DALRD3: variants seen among roughly 807,000 people sequenced by gnomAD.
DALRD3 encodes DALR anticodon-binding domain-containing protein 3.
In DALRD3, 47 loss-of-function variants were observed where a neutral mutation model predicts 56.7. That is an observed-to-expected ratio of 0.83 (90% CI 0.66 to 1.06). The LOEUF is 1.06. DALRD3 is among the 50% of genes least tolerant of loss of function. The pLI is 0.00. For synonymous variants in DALRD3, 347 were observed against 308.5 expected (o/e 1.12, Z -1.31); for missense variants, 787 against 724.0 (o/e 1.09, Z -1.00).
Position 49,015,521 on chromosome 3 carries a change from T to G in DALRD3, c.*67A>C. ...AAACAGTACCAATTTATTTTGGCCG[T>G]GGGTTTTTGCTTTTTTTCCAGTTGA... On this transcript the variant is annotated 3_prime_UTR_variant, in exon 12 of 12. Transcript: ENST00000341949. 1.3e-6 allele frequency: 2 copies of G among 1,596,016 alleles called. No homozygotes were observed. Among genetic ancestry groups the G allele is most frequent in the Non-Finnish European group, 1.7e-6 (2 of 1,168,360 alleles).
chr3:49,016,017 C>T lies in DALRD3; in HGVS notation c.1399G>A (p.Asp467Asn), dbSNP rs769037729. 1.2e-5 allele frequency: 20 copies of T among 1,606,654 alleles called. No individual in the cohort carries two copies. Among genetic ancestry groups the T allele is most frequent in the Non-Finnish European group, 1.7e-5 (20 of 1,174,872 alleles). The stretch of plus-strand genomic sequence containing the variant: ...ATGTGGAGCCCCGGGGCTGTGCAGT[C>T]CAGCACTGCTGTCCGGCTCAGCAGA... ...PDLLSRTAVLDCTAPGLHIAV... is the reference protein window; with the variant it reads ...PDLLSRTAVLNCTAPGLHIAV... The change falls in exon 10 of 12, where the codon GAC (aspartate) becomes AAC (asparagine). Residue 467 changes from aspartate to asparagine, a missense_variant. By Grantham distance (23) the Asp-to-Asn change is conservative (BLOSUM62 1). Transcript: ENST00000341949.
At chr3:49,017,080 C>T in intron 5 of DALRD3, 148 bp downstream of exon 5, 3 of 1,151,128 alleles carry the variant, frequency 2.6e-6, no homozygotes, top group Non-Finnish European at 2.5e-6. Context: ...AGCCTCTGCA[C>T]CTGCTGTACA....
At chr3:49,018,780 C>A (rs1002663376), upstream of DALRD3, 2 of 985,450 alleles carry the variant, frequency 2.0e-6, no homozygotes, top group Non-Finnish European at 2.4e-6. Flanking sequence ...AATCTCGGGG[C>A]CCTCCCTGGG....
rs2093072178 is a variant in DALRD3, at chr3:49,016,414, G to A, written c.1146+15C>T. On this transcript the variant is annotated intron_variant, in intron 8 of 11. Transcript: ENST00000341949. Reference sequence around the variant, plus strand: ...CTGTGCCCCAACACTGGCCCTGTCAGGCTCCCAGGCTCACCTGACTCTGTG... The same window carrying A: ...CTGTGCCCCAACACTGGCCCTGTCAAGCTCCCAGGCTCACCTGACTCTGTG... 1 of 1,610,926 alleles carries A rather than the reference G, an allele frequency of 6.2e-7. No individual in the cohort carries two copies. The highest frequency in any genetic ancestry group is 1.7e-5 in the Admixed American group (1 of 59,706).
rs1488077017 is a variant in DALRD3, at chr3:49,018,232, AC to A, written c.251del (p.Gly84ValfsTer51). On this transcript the variant is annotated frameshift_variant, in exon 2 of 12. Transcript: ENST00000341949. LOFTEE classifies it high-confidence loss of function. ...PVLRCAPTPA[G>X]LSLQLQRSAV... ...CGGACCGCTGCAGTTGGAGAGACAG[AC>A]CCGCGGGGGTCGGCGCGCAGCGCAG... 31 of 1,438,292 alleles carry A rather than the reference AC, an allele frequency of 2.2e-5. No individual in the cohort carries two copies. Among genetic ancestry groups the A allele is most frequent in the Non-Finnish European group, 2.7e-5 (30 of 1,104,826 alleles). The allele number at this position is 1,438,292 out of a possible 1,614,324, so 89.1% of individuals were successfully genotyped here.
Position 49,015,785 on chromosome 3 carries a change from C to A in DALRD3, c.1512+19G>T, listed in dbSNP as rs757036832. ...CTATACCTCTCTGCACGTCCCACCC[C>A]ATTTTGCTGTGTGCTCACCCCCAGG... On this transcript the variant is annotated intron_variant, in intron 11 of 11. Coordinates refer to ENST00000341949, the MANE Select transcript of DALRD3 (RefSeq NM_001009996.3). 4 of 1,614,010 alleles carry A rather than the reference C, an allele frequency of 2.5e-6. No individual in the cohort carries two copies. The African/African-American group carries it at 5.3e-5, about 22-fold the overall frequency.
chr3:49,016,954 G>A, intron 5 of DALRD3, 107 bp from the exon 6 acceptor site: 1 of 1,315,706 alleles, frequency 7.6e-7, no homozygotes, highest in South Asian at 1.2e-5. Flanking sequence ...CCCTCAAATT[G>A]GAACTGCCAG....
At chr3:49,017,087 T>A (rs2093092160) in intron 5 of DALRD3, 141 bp downstream of exon 5, 2 of 1,211,502 alleles carry the variant, frequency 1.7e-6, no homozygotes, top group Non-Finnish European at 2.3e-6. Context: ...GCACCTGCTG[T>A]ACATGCCCTC....
upstream of DALRD3, chr3:49,019,047 C>G (rs1265294739): frequency 2.0e-6 from 2 of 985,000 alleles, no homozygotes; most frequent in Non-Finnish European, 2.4e-6. Flanking sequence ...AGGTTATTTG[C>G]AAGCATTTTC....
chr3:49,016,196 G>C lies in DALRD3; in HGVS notation c.1291C>G (p.Pro431Ala). 2 of 1,614,166 alleles carry C rather than the reference G, an allele frequency of 1.2e-6. No individual in the cohort carries two copies. Among genetic ancestry groups the C allele is most frequent in the Non-Finnish European group, 1.7e-6 (2 of 1,180,024 alleles). Residue 431 changes from proline (P) to alanine (A), a missense_variant, in exon 9 of 12, where the codon CCT becomes GCT. Pro to Ala is a conservative substitution (Grantham distance 27). Coordinates refer to ENST00000341949, the MANE Select transcript of DALRD3 (RefSeq NM_001009996.3). The stretch of plus-strand genomic sequence containing the variant: ...AGTGAGAAGTCCAGACTGCTCACAG[G>C]AGGAAAAGTGGGGTACAGACCTTGT... ...MEQGLYPTFP[P>A]VSSLDFSLLH...
chr3:49,016,708 G>C (rs775841510), intron 6 of DALRD3, 35 bp from the exon 7 acceptor site: 11 of 1,613,118 alleles, frequency 6.8e-6, no homozygotes, highest in Middle Eastern at 1.6e-4. Flanking sequence ...AGTGGGCAGG[G>C]TCCTGGGTAA....
chr3:49,018,058 C>T lies in DALRD3; in HGVS notation c.426G>A (p.Val142=). ...GCAGGGCTCGCGCCAGGTGATCGGC[C>T]ACGAGCACCGTACGCAGCTGGCTCA... The part of the protein sequence containing the change: ...LRLSQLRTVL[V]ADHLARALRA... Residue 142 remains valine, a synonymous_variant, in exon 2 of 12, where the codon GTG becomes GTA. Transcript: ENST00000341949. The T allele has an allele frequency of 2.0e-6, 3 of 1,491,470 alleles. No individual in the cohort carries two copies. The highest frequency in any genetic ancestry group is 2.7e-5 in the South Asian group (2 of 73,480). The allele number at this position is 1,491,470 out of a possible 1,614,324, so 92.4% of individuals were successfully genotyped here. A position where few individuals can be genotyped will look rare whatever the true frequency, so the allele number is the denominator to read the frequency against.
upstream of DALRD3, chr3:49,020,248 C>T (rs775163862): frequency 1.9e-6 from 1 of 534,288 alleles, no homozygotes; most frequent in Non-Finnish European, 3.8e-6. Context: ...TCTGAAGGTG[C>T]ATGACCTGGA....
rs1559904109 is a variant in DALRD3 at position 49,016,709 on chromosome 3, T to A, written c.1002-36A>T. The A allele has an allele frequency of 1.9e-6, 3 of 1,613,370 alleles. No homozygotes were observed. The Admixed American group carries it at 5.0e-5, about 27-fold the overall frequency. On this transcript the variant is annotated intron_variant, in intron 6 of 11. Transcript: ENST00000341949. ...AAGAGAGGAAGGCCAGTGGGCAGGG[T>A]CCTGGGTAAAGAGTCCCCCCTCATT...
At position 49,017,862 on chromosome 3, in the gene DALRD3, C is replaced by T. The variant is rs953463047; in HGVS notation, c.469G>A (p.Val157Met). The change falls in exon 3 of 12, where the codon GTG (valine) becomes ATG (methionine). Residue 157 changes from valine (V) to methionine (M), a missense_variant. Val to Met is a conservative substitution (Grantham distance 21, BLOSUM62 1). Coordinates refer to ENST00000341949, the MANE Select transcript of DALRD3 (RefSeq NM_001009996.3). The part of the protein sequence containing the change: ...ARALRAHGVC[V>M]RLVPAVRDPH... ...TCCCGCACAGCTGGCACTAGGCGCA[C>T]GCACACCCTGCGAAGGGAGGGCGGC... 2 of 1,598,840 alleles carry T rather than the reference C, an allele frequency of 1.3e-6. No individual in the cohort carries two copies. The highest frequency in any genetic ancestry group is 3.4e-5 in the Admixed American group (2 of 59,424).
At chr3:49,020,766 G>T (rs1005337641), upstream of DALRD3, 12 of 431,772 alleles carry the variant, frequency 2.8e-5, no homozygotes, top group Admixed American at 3.0e-4. Context: ...GGCCACATCA[G>T]AACCCGCCCA....
upstream of DALRD3, chr3:49,018,865 G>C (rs985214151): frequency 1.0e-6 from 1 of 985,142 alleles, no homozygotes; most frequent in Non-Finnish European, 1.2e-6. Flanking sequence ...GCTTAGACCG[G>C]GTACCGTCTC....
rs2093075914 is a variant in DALRD3 at position 49,016,572 on chromosome 3, G to GC, written c.1063+39dup. The GC allele has an allele frequency of 1.9e-6, 3 of 1,595,120 alleles. No individual in the cohort carries two copies. The Admixed American group carries it at 5.2e-5, about 28-fold the overall frequency. On this transcript the variant is annotated intron_variant, in intron 7 of 11. Coordinates refer to ENST00000341949, the MANE Select transcript of DALRD3 (RefSeq NM_001009996.3). ...GCAAGGGCAGGGATGCAAAAAACCT[G>GC]CCCCTAACCCAGAACATAGCCAGGG...
At position 49,016,191 on chromosome 3, in the gene DALRD3, C is replaced by A. The variant is rs756973926; in HGVS notation, c.1296G>T (p.Val432=). The A allele has an allele frequency of 1.2e-6, 2 of 1,614,004 alleles. No individual in the cohort carries two copies. Among genetic ancestry groups the A allele is most frequent in the Non-Finnish European group, 1.7e-6 (2 of 1,180,030 alleles). ...GTAGCAGTGAGAAGTCCAGACTGCTCACAGGAGGAAAAGTGGGGTACAGAC... is the reference window on the plus strand; with the variant it reads ...GTAGCAGTGAGAAGTCCAGACTGCTAACAGGAGGAAAAGTGGGGTACAGAC... ...EQGLYPTFPP[V]SSLDFSLLHD... The change falls in exon 9 of 12, where the codon GTG becomes GTT. Residue 432 remains valine, a synonymous_variant. Coordinates refer to ENST00000341949, the MANE Select transcript of DALRD3 (RefSeq NM_001009996.3).
Sources: gnomAD v4.1 joint callset for allele counts on GRCh38, gnomAD v4.1.1 for gene constraint, MANE v1.5 for transcripts, NCBI Gene and HGNC (gene_info 2026-07-23, HGNC 2026-07-21) for gene names.